The following MTA3 variants were observed in gnomAD, a reference collection of about 807,000 sequenced individuals.
The protein encoded by MTA3 is metastasis-associated protein MTA3.
Under a neutral mutation model 83.5 loss-of-function variants are expected in MTA3, and 34 were observed. The ratio of observed to expected loss-of-function variants is 0.41; its 90% CI spans 0.31 to 0.54. The LOEUF is 0.54. MTA3 is among the 20% of genes least tolerant of loss of function. The pLI is 0.33. For synonymous variants in MTA3, 303 were observed against 252.7 expected, an observed-to-expected ratio of 1.20 and a Z score of -1.89; for missense variants, 761 against 726.4, an observed-to-expected ratio of 1.05 and a Z score of -0.55.
rs535254299 is a variant in MTA3 at position 42,501,145 on chromosome 2, A to G, written c.-141+5891A>G. The stretch of plus-strand genomic sequence containing the variant: ...CTTAATAAAGAATAATAAATTTGCT[A>G]CGAAGTAACCAGCTAAAGGAAAAGG... On this transcript the variant is annotated intron_variant, in intron 2 of 17. Coordinates refer to the MTA3 transcript ENST00000405592. Among the ~76,000 whole-genome samples the G allele has an allele frequency of 1.1e-4, 17 of 152,288 alleles. 1 individual carries two copies. The East Asian group carries it at 2.7e-3, about 24-fold the overall frequency.
chr2:42,574,525 C>T (rs1393379872), intron 2 of MTA3, among the ~76,000 whole-genome samples: 2 of 152,182 alleles, frequency 1.3e-5, no homozygotes, highest in Non-Finnish European at 2.9e-5. Flanking sequence ...CAACCTCCTC[C>T]TCCCAGGTTC....
intron 2 of MTA3, among the ~76,000 whole-genome samples, chr2:42,555,814 G>A (rs931674272): frequency 6.6e-6 from 1 of 151,968 alleles, no homozygotes; most frequent in Admixed American, 6.6e-5. Context: ...GCTCACGCCT[G>A]TAATCCCAGC....
At chr2:42,697,073 G>C (rs1693454343) in intron 10 of MTA3, among the ~76,000 whole-genome samples, 2 of 152,144 alleles carry the variant, frequency 1.3e-5, no homozygotes, top group Non-Finnish European at 2.9e-5. Context: ...ATAGAAGATA[G>C]CCTTATATTC....
intron 2 of MTA3, among the ~76,000 whole-genome samples, chr2:42,522,416 G>A (rs1312135637): frequency 6.6e-6 from 1 of 152,114 alleles, no homozygotes; most frequent in Non-Finnish European, 1.5e-5. Flanking sequence ...CCCACTTTCA[G>A]GAAGGAATAT....
At chr2:42,732,857 T>G (rs932657294) in intron 16 of MTA3, among the ~76,000 whole-genome samples, 1 of 152,208 alleles carries the variant, frequency 6.6e-6, no homozygotes, top group Non-Finnish European at 1.5e-5. Flanking sequence ...ACTAGTCTCT[T>G]TGCTGAAACA....
chr2:42,610,185 G>C (rs899302759), intron 4 of MTA3, among the ~76,000 whole-genome samples: 1 of 152,330 alleles, frequency 6.6e-6, no homozygotes, highest in South Asian at 2.1e-4. Context: ...TGGTACAGAA[G>C]AGGGTCTAGC....
intron 9 of MTA3, among the ~76,000 whole-genome samples, chr2:42,690,823 C>T (rs1262710647): frequency 2.7e-5 from 4 of 150,250 alleles, no homozygotes; most frequent in East Asian, 1.9e-4. Context: ...TACAGGCACA[C>T]GCCACCAACC....
At chr2:42,674,596 C>CTTTTT (rs34154066) in intron 8 of MTA3, among the ~76,000 whole-genome samples, 3 of 114,332 alleles carry the variant, frequency 2.6e-5, no homozygotes, top group Non-Finnish European at 3.5e-5. Flanking sequence ...TTTTCTTCTT[C>CTTTTT]TTTTTTTTTT....
At chr2:42,609,138 C>T in intron 3 of MTA3, among the ~76,000 whole-genome samples, 1 of 149,178 alleles carries the variant, frequency 6.7e-6, no homozygotes, top group Non-Finnish European at 1.5e-5. Flanking sequence ...TCAAGCAGTT[C>T]TCCTGCCTCA....
chr2:42,669,988 G>T (rs531360863), intron 8 of MTA3, among the ~76,000 whole-genome samples: 1 of 152,298 alleles, frequency 6.6e-6, no homozygotes, highest in African/African-American at 2.4e-5. Context: ...AAACTAGCTG[G>T]GCATGGTGGC....
chr2:42,640,795 C>T (rs1687626550), intron 5 of MTA3, among the ~76,000 whole-genome samples: 2 of 152,148 alleles, frequency 1.3e-5, no homozygotes, highest in African/African-American at 2.4e-5. Flanking sequence ...TTTTAGGTGA[C>T]ATTTAAAGCA....
intron 14 of MTA3, among the ~76,000 whole-genome samples, chr2:42,714,241 T>C (rs1477996095): frequency 6.6e-6 from 1 of 152,248 alleles, no homozygotes; most frequent in East Asian, 1.9e-4. Context: ...GCAGTCTTAC[T>C]GACTTGTGGG....
intron 2 of MTA3, among the ~76,000 whole-genome samples, chr2:42,557,918 C>T (rs942961044): frequency 1.3e-5 from 2 of 152,080 alleles, no homozygotes; most frequent in East Asian, 1.9e-4. Flanking sequence ...TCGTCTACAC[C>T]ATTGGGTATC....
intron 8 of MTA3, among the ~76,000 whole-genome samples, chr2:42,677,383 C>G (rs1355709480): frequency 6.6e-6 from 1 of 152,004 alleles, no homozygotes; most frequent in East Asian, 1.9e-4. Context: ...CGCTCTGTCA[C>G]CCAGGCTGGA....
intron 2 of MTA3, among the ~76,000 whole-genome samples, chr2:42,540,212 C>A (rs1257324641): frequency 7.2e-6 from 1 of 139,268 alleles, no homozygotes; most frequent in Non-Finnish European, 1.5e-5. Flanking sequence ...CTCACTCTGT[C>A]ACTCAGGGTG....
intron 9 of MTA3, among the ~76,000 whole-genome samples, chr2:42,689,405 A>G (rs1157183520): frequency 6.6e-6 from 1 of 152,240 alleles, no homozygotes; most frequent in Non-Finnish European, 1.5e-5. Context: ...TTTCAGGCTA[A>G]TGATGGCTAC....
intron 4 of MTA3, among the ~76,000 whole-genome samples, chr2:42,615,458 C>T (rs899408381): frequency 1.3e-5 from 2 of 151,758 alleles, no homozygotes; most frequent in Non-Finnish European, 2.9e-5. Flanking sequence ...CAGGTTCAAG[C>T]GATTCTCTTG....
intron 2 of MTA3, among the ~76,000 whole-genome samples, chr2:42,519,783 C>T (rs889088940): frequency 4.6e-5 from 7 of 151,962 alleles, no homozygotes; most frequent in Admixed American, 1.3e-4. Context: ...GTTACGGTGG[C>T]TCACACTTGT....
At chr2:42,534,528 C>T (rs1320623153) in intron 2 of MTA3, among the ~76,000 whole-genome samples, 1 of 151,874 alleles carries the variant, frequency 6.6e-6, no homozygotes, top group Admixed American at 6.6e-5. Context: ...ACCCGGGAGG[C>T]AGAGGTTGCA....
Sources: gnomAD v4.1 joint callset for allele counts (sites outside exome capture counted in the v4.1 genomes callset) on GRCh38, gnomAD v4.1.1 for gene constraint, MANE v1.5 for transcripts, NCBI Gene and HGNC (gene_info 2026-07-23, HGNC 2026-07-21) for gene names.